The following GRB14 variants were observed in gnomAD, a reference collection of about 807,000 sequenced individuals.
The protein encoded by GRB14 is growth factor receptor-bound protein 14.
Under a neutral mutation model 69.1 loss-of-function variants are expected in GRB14, and 38 were observed. The observed-to-expected ratio is 0.55, with a 90% CI of 0.42 to 0.72. The LOEUF (loss-of-function observed/expected upper bound fraction) is 0.72, where lower values mean the gene tolerates loss of function less well. Among genes scored for constraint, GRB14 ranks in the 30% least tolerant of loss-of-function variants. GRB14 has a pLI of 0.00. For missense variants in GRB14, 666 were observed against 666.1 expected (o/e 1.00, Z 0.00); for synonymous variants, 247 against 241.3 (o/e 1.02, Z -0.22).
Position 164,521,171 on chromosome 2 carries a change from C to T in GRB14, c.816+809G>A, listed in dbSNP as rs192680102. 2.0e-3 allele frequency among the ~76,000 whole-genome samples: 306 copies of T among 151,938 alleles called. 2 individuals carry two copies. The highest frequency in any genetic ancestry group is 2.3e-3 in the Non-Finnish European group (158 of 67,840). On this transcript the variant is annotated intron_variant, in intron 6 of 13. Coordinates refer to ENST00000263915, the MANE Select transcript of GRB14 (RefSeq NM_004490.3). ...ATAGACAGACAGATAGATAGACAGA[C>T]AGACCACGGAACCATAAAAAGGAAT...
At chr2:164,510,833 T>G (rs1319144234) in intron 6 of GRB14, among the ~76,000 whole-genome samples, 1 of 152,152 alleles carries the variant, frequency 6.6e-6, no homozygotes, top group African/African-American at 2.4e-5. Flanking sequence ...CAGTACTCCC[T>G]GGGGACTTCA....
chr2:164,514,478 T>C (rs980532470), intron 6 of GRB14, among the ~76,000 whole-genome samples: 1 of 152,050 alleles, frequency 6.6e-6, no homozygotes, highest in East Asian at 1.9e-4. Flanking sequence ...TGACATTACC[T>C]ACAGCTGAGA....
intron 2 of GRB14, among the ~76,000 whole-genome samples, chr2:164,568,745 C>G (rs193109549): frequency 1.9e-4 from 29 of 152,108 alleles, no homozygotes; most frequent in African/African-American, 6.5e-4. Context: ...TTTACTAAAG[C>G]ATTTCAACAT....
chr2:164,550,458 C>G (rs1485750004), intron 2 of GRB14, among the ~76,000 whole-genome samples: 7 of 152,156 alleles, frequency 4.6e-5, no homozygotes, highest in Non-Finnish European at 4.4e-5. Flanking sequence ...AATGATATAT[C>G]AATTCTGTCC....
chr2:164,510,604 A>C (rs1687314463), intron 6 of GRB14, among the ~76,000 whole-genome samples: 1 of 152,164 alleles, frequency 6.6e-6, no homozygotes, highest in Non-Finnish European at 1.5e-5. Context: ...AAGATGTCTG[A>C]ACAGAAGGCT....
intron 2 of GRB14, among the ~76,000 whole-genome samples, chr2:164,606,448 CTCTTTGTCTT>C (rs1690042781): frequency 6.6e-6 from 1 of 152,132 alleles, no homozygotes; most frequent in Non-Finnish European, 1.5e-5. Flanking sequence ...ATTACGACTC[CTCTTTGTCTT>C]TCTTGACTAA....
chr2:164,525,206 T>C, intron 4 of GRB14, 128 bp from the exon 5 acceptor site: 1 of 705,852 alleles, frequency 1.4e-6, no homozygotes, highest in East Asian at 2.8e-5. Context: ...AAAGTGCTTT[T>C]GAAAATGCCC....
intron 2 of GRB14, among the ~76,000 whole-genome samples, chr2:164,578,518 G>A (rs977134589): frequency 8.9e-5 from 8 of 90,318 alleles, no homozygotes; most frequent in Non-Finnish European, 1.8e-4. Flanking sequence ...AAGACAATTC[G>A]CGCGCACACA....
At chr2:164,587,327 C>T (rs1689561429) in intron 2 of GRB14, among the ~76,000 whole-genome samples, 1 of 152,160 alleles carries the variant, frequency 6.6e-6, no homozygotes, top group Non-Finnish European at 1.5e-5. Context: ...TCCTTAAATA[C>T]AGAGCCCCTC....
At position 164,568,385 on chromosome 2, in the gene GRB14, C is replaced by T. The variant is rs765916812; in HGVS notation, c.325-20569G>A. 1.2e-5 allele frequency: 15 copies of T among 1,287,106 alleles called. 1 individual carries two copies. In the South Asian group the frequency reaches 1.9e-4, roughly 16 times the overall value. The allele number at this position is 1,287,106 out of a possible 1,614,324, so 79.7% of individuals were successfully genotyped here. On this transcript the variant is annotated intron_variant, in intron 2 of 13. Transcript: ENST00000263915. Reference sequence around the variant, plus strand: ...TCTTGCACTCAAACTCATGCCTGCTCTTCTTAGAATGATCCTGTCTCGTAG... The same window carrying T: ...TCTTGCACTCAAACTCATGCCTGCTTTTCTTAGAATGATCCTGTCTCGTAG...
chr2:164,569,444 A>T (rs1335465490), intron 2 of GRB14, among the ~76,000 whole-genome samples: 2 of 152,236 alleles, frequency 1.3e-5, no homozygotes, highest in Non-Finnish European at 2.9e-5. Flanking sequence ...CATCTGGACA[A>T]GCTTCACTGA....
chr2:164,553,398 T>C (rs887353473), intron 2 of GRB14, among the ~76,000 whole-genome samples: 4 of 152,230 alleles, frequency 2.6e-5, no homozygotes, highest in African/African-American at 9.6e-5. Context: ...TATATTTCAT[T>C]GTTAGAATGA....
chr2:164,541,399 G>T (rs1688236083), intron 3 of GRB14, among the ~76,000 whole-genome samples: 3 of 151,894 alleles, frequency 2.0e-5, no homozygotes, highest in Non-Finnish European at 4.4e-5. Context: ...TTGAACTTGG[G>T]AGGCGAAGGG....
At chr2:164,582,805 C>A (rs1307461509) in intron 2 of GRB14, among the ~76,000 whole-genome samples, 5 of 152,150 alleles carry the variant, frequency 3.3e-5, no homozygotes, top group African/African-American at 4.8e-5. Context: ...GTCTCCACAC[C>A]GTCATGGAAA....
Position 164,619,792 on chromosome 2 carries a change from C to A in GRB14, c.219G>T (p.Pro73=), listed in dbSNP as rs145557408. 11 of 1,610,190 alleles carry A rather than the reference C, an allele frequency of 6.8e-6. No homozygotes were observed. Among genetic ancestry groups the A allele is most frequent in the African/African-American group, 1.3e-5 (1 of 74,876 alleles). The change falls in exon 2 of 14, where the codon CCG becomes CCT. Residue 73 remains proline, a synonymous_variant. Transcript: ENST00000263915. ...DRRKKKDLDV[P]EMPSIPNPFP... is the part of the protein sequence containing the mutation. ...AAGGGTTTGGAATAGATGGCATTTCCGGAACATCAAGATCTTTCTTTTTTC... is the reference window on the plus strand; with the variant it reads ...AAGGGTTTGGAATAGATGGCATTTCAGGAACATCAAGATCTTTCTTTTTTC...
chr2:164,502,014 T>C (rs1043384077), intron 9 of GRB14, among the ~76,000 whole-genome samples: 2 of 151,946 alleles, frequency 1.3e-5, no homozygotes, highest in Admixed American at 1.3e-4. Context: ...CTTTAACATA[T>C]ACTATTATAT....
At chr2:164,598,386 CA>C (rs1281302331) in intron 2 of GRB14, among the ~76,000 whole-genome samples, 1 of 152,158 alleles carries the variant, frequency 6.6e-6, no homozygotes, top group Non-Finnish European at 1.5e-5. Flanking sequence ...TTTTGGCATA[CA>C]AATTGCCTAA....
intron 8 of GRB14, among the ~76,000 whole-genome samples, chr2:164,503,215 A>G (rs1257104264): frequency 6.6e-6 from 1 of 151,558 alleles, no homozygotes; most frequent in Admixed American, 6.6e-5. Flanking sequence ...AATGGAATAA[A>G]CAGCCTTTTT....
chr2:164,588,487 G>C (rs953190630), intron 2 of GRB14, among the ~76,000 whole-genome samples: 1 of 152,150 alleles, frequency 6.6e-6, no homozygotes, highest in African/African-American at 2.4e-5. Context: ...CATCATTATA[G>C]AGTCATACGT....
Sources: allele counts gnomAD v4.1 joint callset (sites outside exome capture counted in the v4.1 genomes callset), GRCh38; gene constraint gnomAD v4.1.1; transcripts MANE v1.5; gene names NCBI Gene and HGNC (gene_info 2026-07-23, HGNC 2026-07-21).